SMG5: variants seen among roughly 807,000 people sequenced by gnomAD.
SMG5 encodes nonsense-mediated mRNA decay factor SMG5.
In SMG5, 53 loss-of-function variants were observed where a neutral mutation model predicts 122.9. That is an observed-to-expected ratio of 0.43 (90% CI 0.35 to 0.54). SMG5 has a LOEUF of 0.54. SMG5 is among the 20% of genes least tolerant of loss of function. SMG5 has a pLI of 0.01. For synonymous variants in SMG5, 477 were observed against 490.2 expected, an observed-to-expected ratio of 0.97 and a Z score of 0.35; for missense variants, 1,153 against 1,285.6, an observed-to-expected ratio of 0.90 and a Z score of 1.58.
chr1:156,271,905 T>C (rs1337911193), intron 7 of SMG5, among the ~76,000 whole-genome samples: 1 of 152,114 alleles, frequency 6.6e-6, no homozygotes, highest in East Asian at 1.9e-4. Flanking sequence ...AAATGTTGTT[T>C]TTTATTCTAA....
upstream of SMG5, chr1:156,286,142 C>G: frequency 7.3e-7 from 1 of 1,363,564 alleles, no homozygotes; most frequent in Non-Finnish European, 1.0e-6. Context: ...CCAGGACCAC[C>G]TCCACCCCAC....
chr1:156,266,598 G>GCAGC lies in SMG5; in HGVS notation c.1194_1197dup (p.Gln400AlafsTer4). 6.2e-7 allele frequency: 1 copy of GCAGC among 1,614,160 alleles called. No homozygotes were observed. The highest frequency in any genetic ancestry group is 8.5e-7 in the Non-Finnish European group (1 of 1,180,044). Reference sequence around the variant, plus strand: ...TTCTCGCCCTCTTCCAGCTCAGCCTGCAGCCGTATGTTGACATGATTGACG... The same window carrying GCAGC: ...TTCTCGCCCTCTTCCAGCTCAGCCTGCAGCCAGCCGTATGTTGACATGATTGACG... On this transcript the variant is annotated frameshift_variant, in exon 11 of 22. Transcript: ENST00000361813. LOFTEE classifies it high-confidence loss of function.
At position 156,265,989 on chromosome 1, in the gene SMG5, G is replaced by A. The variant is rs61760174; in HGVS notation, c.1647C>T (p.Pro549=). ...LEPPRGRSEA[P]DSLNGPLGPS... Reference sequence around the variant, plus strand: ...GGCCCAGTGGGCCATTGAGGGAATCGGGAGCCTCTGATCTGCCCCGAGGGG... The same window carrying A: ...GGCCCAGTGGGCCATTGAGGGAATCAGGAGCCTCTGATCTGCCCCGAGGGG... Residue 549 remains proline, a synonymous_variant, in exon 12 of 22, where the codon CCC becomes CCT. Transcript: ENST00000361813. 717 of 1,614,198 alleles carry A rather than the reference G, an allele frequency of 4.4e-4. No individual in the cohort carries two copies. The African/African-American group carries it at 8.7e-3, about 19-fold the overall frequency.
intron 13 of SMG5, among the ~76,000 whole-genome samples, chr1:156,263,152 A>T (rs1468077503): frequency 6.6e-6 from 1 of 152,252 alleles, no homozygotes; most frequent in African/African-American, 2.4e-5. Context: ...TATGCCCAGC[A>T]TTGGGGATAC....
rs1328590253 is a variant in SMG5 at position 156,282,664 on chromosome 1, G to T, written c.17C>A (p.Pro6His). 7 of 1,605,696 alleles carry T rather than the reference G, an allele frequency of 4.4e-6. No homozygotes were observed. The highest frequency in any genetic ancestry group is 5.9e-6 in the Non-Finnish European group (7 of 1,179,310). ...TTCGGGCTCGCTGCTCTCCCCTGTG[G>T]GGGGGCCTTGGCTCATGGTGCCCGG... MSQGP[P>H]TGESSEPEAK... Residue 6 changes from proline (P) to histidine (H), a missense_variant, in exon 1 of 22, where the codon CCC (proline) becomes CAC (histidine). Around this residue, in one of 5 missense-constraint regions of SMG5, gnomAD observed 213 missense variants for 197.5 expected, o/e 1.08. Transcript: ENST00000361813.
chr1:156,253,513 G>C lies in SMG5; in HGVS notation c.2443-5C>G. On this transcript the variant is annotated splice_polypyrimidine_tract_variant and splice_region_variant and intron_variant, in intron 16 of 21. Coordinates refer to ENST00000361813, the MANE Select transcript of SMG5 (RefSeq NM_015327.3). ...CCGACGAGCTTCCTCCTGTGCCTAT[G>C]AGGGAAAAAATGAGCTGTAAGGAGT... The C allele has an allele frequency of 1.2e-6, 2 of 1,614,028 alleles. No individual in the cohort carries two copies.
intron 15 of SMG5, among the ~76,000 whole-genome samples, chr1:156,259,786 C>T (rs1024991859): frequency 6.6e-6 from 1 of 152,180 alleles, no homozygotes; most frequent in African/African-American, 2.4e-5. Flanking sequence ...TGCCTTGGCC[C>T]CCAACCAAGT....
chr1:156,285,461 G>A, upstream of SMG5: 1 of 1,614,052 alleles, frequency 6.2e-7, no homozygotes, highest in Non-Finnish European at 8.5e-7. Context: ...CTTGCCCTGG[G>A]GGACTGGCCC....
rs1662099206 is a variant in SMG5 at position 156,265,831 on chromosome 1, G to A, written c.1805C>T (p.Ala602Val). Reference sequence around the variant, plus strand: ...CCCATTGACGCAAGGCCTGTGGCTGGCCGAGGTATGAGGGTTGGTGGTGGG... The same window carrying A: ...CCCATTGACGCAAGGCCTGTGGCTGACCGAGGTATGAGGGTTGGTGGTGGG... The part of the protein sequence containing the change: ...LQPTTNPHTS[A>V]SHRPCVNGDV... The change falls in exon 12 of 22, where the codon GCC (alanine) becomes GTC (valine). Residue 602 changes from alanine to valine, a missense_variant. Transcript: ENST00000361813. The A allele has an allele frequency of 6.2e-7, 1 of 1,614,062 alleles. No individual in the cohort carries two copies. The highest frequency in any genetic ancestry group is 2.2e-5 in the East Asian group (1 of 44,892).
chr1:156,261,281 T>C, intron 14 of SMG5, 52 bp downstream of exon 14: 1 of 1,562,948 alleles, frequency 6.4e-7, no homozygotes, highest in East Asian at 2.2e-5. Context: ...ATGGGCTTAG[T>C]GGGGACAATG....
chr1:156,286,497 C>T, upstream of SMG5: 2 of 1,609,842 alleles, frequency 1.2e-6, no homozygotes, highest in Non-Finnish European at 1.7e-6. Flanking sequence ...GAGGGTGGGG[C>T]ATGGGAGAGG....
rs375329561 is a variant in SMG5, at chr1:156,252,359, G to A, written c.2753+55C>T. On this transcript the variant is annotated intron_variant, in intron 19 of 21. Transcript: ENST00000361813. ...GAGCAAGGGGCTTTCATAAGCATGTGTTATCCAAAAGACAGACCCAGGGCT... is the reference window on the plus strand; with the variant it reads ...GAGCAAGGGGCTTTCATAAGCATGTATTATCCAAAAGACAGACCCAGGGCT... 11 of 1,550,730 alleles carry A rather than the reference G, an allele frequency of 7.1e-6. No individual in the cohort carries two copies. The African/African-American group carries it at 1.4e-4, about 19-fold the overall frequency.
At chr1:156,286,136 G>C (rs1311179330), upstream of SMG5, 2 of 1,370,394 alleles carry the variant, frequency 1.5e-6, no homozygotes, top group Non-Finnish European at 1.0e-6. Context: ...CTCCTCCCAG[G>C]ACCACCTCCA....
intron 7 of SMG5, 107 bp downstream of exon 7, chr1:156,272,213 C>T: frequency 2.0e-6 from 2 of 1,001,156 alleles, no homozygotes; most frequent in Non-Finnish European, 3.0e-6. Flanking sequence ...CTTAGCATTC[C>T]CCTATCTCAG....
chr1:156,287,851 C>T, the SMG5 span, among the ~76,000 whole-genome samples: 3 of 152,106 alleles, frequency 2.0e-5, no homozygotes, highest in South Asian at 6.2e-4. Context: ...CCCCTAACCT[C>T]AGGTGATCTG....
intron 12 of SMG5, among the ~76,000 whole-genome samples, chr1:156,263,877 C>A (rs1373641471): frequency 6.6e-6 from 1 of 152,166 alleles, no homozygotes; most frequent in Non-Finnish European, 1.5e-5. Context: ...ATTCATTCAA[C>A]TAGGATTTAT....
the SMG5 span, among the ~76,000 whole-genome samples, chr1:156,289,526 G>T: frequency 6.6e-6 from 1 of 152,140 alleles, no homozygotes; most frequent in Admixed American, 6.5e-5. Flanking sequence ...GCAGGAGAAT[G>T]GCGTGAACCT....
chr1:156,270,922 A>G (rs1321439080), intron 7 of SMG5, among the ~76,000 whole-genome samples: 1 of 151,786 alleles, frequency 6.6e-6, no homozygotes, highest in Non-Finnish European at 1.5e-5. Flanking sequence ...CAGAAGAATC[A>G]CTTGAACCCG....
At chr1:156,279,968 A>G (rs2101574525) in intron 1 of SMG5, among the ~76,000 whole-genome samples, 1 of 152,364 alleles carries the variant, frequency 6.6e-6, no homozygotes, top group South Asian at 2.1e-4. Context: ...TCACCCAACC[A>G]TAAAATGGGA....
Sources: gnomAD v4.1 joint callset for allele counts (sites outside exome capture counted in the v4.1 genomes callset) on GRCh38, gnomAD v4.1.1 for gene constraint, gnomAD v4.1.1 regional missense constraint, MANE v1.5 for transcripts, NCBI Gene and HGNC (gene_info 2026-07-23, HGNC 2026-07-21) for gene names.